The following NOX4 variants were observed in gnomAD, a reference collection of about 807,000 sequenced individuals.
NOX4 encodes the protein NADPH oxidase 4.
NOX4 carries 69 observed loss-of-function variants against 87.6 expected under a neutral mutation model. That is an observed-to-expected ratio of 0.79 (90% CI 0.65 to 0.96). The LOEUF (loss-of-function observed/expected upper bound fraction) is 0.96, where lower values mean the gene tolerates loss of function less well. NOX4 is among the 40% of genes least tolerant of loss of function. The pLI is 0.00. For synonymous variants in NOX4, 275 were observed against 238.2 expected, an observed-to-expected ratio of 1.15 and a Z score of -1.42; for missense variants, 680 against 681.5, an observed-to-expected ratio of 1.00 and a Z score of 0.02.
chr11:89,457,763 G>C (rs572969853), intron 2 of NOX4, among the ~76,000 whole-genome samples: 1 of 152,094 alleles, frequency 6.6e-6, no homozygotes, highest in Admixed American at 6.5e-5. Context: ...CCCACCAACA[G>C]TGTTCAAGCT....
At chr11:89,466,096 A>G (rs879568185) in intron 2 of NOX4, among the ~76,000 whole-genome samples, 1 of 152,184 alleles carries the variant, frequency 6.6e-6, no homozygotes, top group Non-Finnish European at 1.5e-5. Flanking sequence ...GGCCCTCATC[A>G]AACCCTAAAT....
chr11:89,499,497 A>C (rs1337490914), upstream of NOX4, among the ~76,000 whole-genome samples: 1 of 152,192 alleles, frequency 6.6e-6, no homozygotes, highest in Non-Finnish European at 1.5e-5. Flanking sequence ...AAGAGAAATA[A>C]ATAAATAAAC....
intron 2 of NOX4, among the ~76,000 whole-genome samples, chr11:89,459,006 T>C (rs1945331395): frequency 6.6e-6 from 1 of 152,052 alleles, no homozygotes; most frequent in South Asian, 2.1e-4. Flanking sequence ...CATGCACACA[T>C]ACATTCATCA....
chr11:89,543,789 A>T, the NOX4 span, among the ~76,000 whole-genome samples: 1 of 152,226 alleles, frequency 6.6e-6, no homozygotes, highest in Non-Finnish European at 1.5e-5. Flanking sequence ...AAGTAAATAG[A>T]TATTGTCTGA....
chr11:89,381,827 C>T (rs1040141155), intron 11 of NOX4, among the ~76,000 whole-genome samples: 3 of 152,170 alleles, frequency 2.0e-5, no homozygotes, highest in Non-Finnish European at 4.4e-5. Flanking sequence ...GGTAAGCAGG[C>T]TCTTTTTACT....
chr11:89,493,721 T>TTTATTATTATTA (rs200679523), upstream of NOX4, among the ~76,000 whole-genome samples: 1 of 142,300 alleles, frequency 7.0e-6, no homozygotes. Flanking sequence ...GCCAGATTGT[T>TTTATTATTATTA]TTATTATTAT....
intron 7 of NOX4, among the ~76,000 whole-genome samples, chr11:89,426,418 G>T (rs957564594): frequency 2.6e-5 from 4 of 151,928 alleles, no homozygotes; most frequent in African/African-American, 9.7e-5. Context: ...CTGAAGCAGG[G>T]TGAGGCATCG....
intron 8 of NOX4, among the ~76,000 whole-genome samples, chr11:89,408,586 T>C (rs1258667964): frequency 6.6e-6 from 1 of 152,192 alleles, no homozygotes; most frequent in Non-Finnish European, 1.5e-5. Flanking sequence ...TACTTTGTTT[T>C]TCTGGCCTAA....
intron 11 of NOX4, among the ~76,000 whole-genome samples, chr11:89,383,256 C>T (rs1387530000): frequency 6.6e-6 from 1 of 152,226 alleles, no homozygotes; most frequent in East Asian, 1.9e-4. Context: ...GATCTTGCTT[C>T]AAGTGCCAGA....
At chr11:89,464,275 G>A (rs1945587367) in intron 2 of NOX4, among the ~76,000 whole-genome samples, 1 of 151,968 alleles carries the variant, frequency 6.6e-6, no homozygotes, top group African/African-American at 2.4e-5. Flanking sequence ...TTACGATTCT[G>A]CAAAACCCAA....
chr11:89,340,201 T>C (rs754077522), intron 14 of NOX4, 30 bp from the exon 15 acceptor site: 1 of 1,371,834 alleles, frequency 7.3e-7, no homozygotes, highest in Admixed American at 1.9e-5. Context: ...TGATAGTGAT[T>C]AGGATGGCAA....
the NOX4 span, among the ~76,000 whole-genome samples, chr11:89,552,504 CCTTT>C: frequency 6.6e-6 from 1 of 152,144 alleles, no homozygotes; most frequent in Non-Finnish European, 1.5e-5. Context: ...ACAGATTCTT[CCTTT>C]CTTCAGATCT....
chr11:89,437,650 TA>T (rs1405146105), intron 6 of NOX4, among the ~76,000 whole-genome samples: 2 of 152,068 alleles, frequency 1.3e-5, no homozygotes, highest in East Asian at 3.9e-4. Flanking sequence ...CCAGAGGCCA[TA>T]AAAAAATGTT....
intron 13 of NOX4, among the ~76,000 whole-genome samples, chr11:89,353,708 T>C (rs1248520834): frequency 6.6e-6 from 1 of 152,074 alleles, no homozygotes; most frequent in Non-Finnish European, 1.5e-5. Context: ...CTACTATGAC[T>C]ACCCTCTTCA....
At chr11:89,536,233 G>A in the NOX4 span, among the ~76,000 whole-genome samples, 4 of 134,498 alleles carry the variant, frequency 3.0e-5, no homozygotes, top group East Asian at 2.5e-4. Flanking sequence ...TGCAAGCTCC[G>A]CCTCCCGGGT....
chr11:89,537,092 T>C, the NOX4 span, among the ~76,000 whole-genome samples: 1 of 152,208 alleles, frequency 6.6e-6, no homozygotes, highest in Non-Finnish European at 1.5e-5. Context: ...AAGCAAGGCA[T>C]ATCCAGAGCC....
the NOX4 span, among the ~76,000 whole-genome samples, chr11:89,556,085 C>T: frequency 3.0e-4 from 46 of 152,242 alleles, no homozygotes; most frequent in Non-Finnish European, 6.3e-4. Flanking sequence ...ACAGCAAGAG[C>T]TTACATCTCT....
intron 17 of NOX4, among the ~76,000 whole-genome samples, chr11:89,334,968 A>G (rs1945637343): frequency 6.6e-6 from 1 of 151,732 alleles, no homozygotes; most frequent in South Asian, 2.1e-4. Context: ...CTAAAAGAAG[A>G]GTTTATGTAT....
At position 89,479,100 on chromosome 11, in the gene NOX4, G is replaced by T. The variant is rs186988119; in HGVS notation, c.153+11358C>A. On this transcript the variant is annotated intron_variant, in intron 2 of 17. Coordinates refer to ENST00000263317, the MANE Select transcript of NOX4 (RefSeq NM_016931.5). ...TATCTCCTAAGTATTCTCAATAGGT[G>T]GTTATTTTCTTGTTCTACAACTTTC... is the stretch of plus-strand genomic sequence containing the variant. Among the ~76,000 whole-genome samples, 188 of 151,970 alleles carry T rather than the reference G, an allele frequency of 1.2e-3. 1 individual carries two copies. Among genetic ancestry groups the T allele is most frequent in the African/African-American group, 4.3e-3 (179 of 41,466 alleles).
Sources: gnomAD v4.1 joint callset for allele counts (sites outside exome capture counted in the v4.1 genomes callset) on GRCh38, gnomAD v4.1.1 for gene constraint, MANE v1.5 for transcripts, NCBI Gene and HGNC (gene_info 2026-07-23, HGNC 2026-07-21) for gene names.